DLG2: variants seen among roughly 807,000 people sequenced by gnomAD.
The protein encoded by DLG2 is disks large homolog 2.
DLG2 carries 45 observed loss-of-function variants against 132.5 expected under a neutral mutation model. The observed-to-expected ratio is 0.34, with a 90% CI of 0.27 to 0.44. The LOEUF is 0.44. DLG2 is among the 20% of genes least tolerant of loss of function. The pLI is 1.00. For synonymous variants in DLG2, 424 were observed against 419.6 expected, an observed-to-expected ratio of 1.01 and a Z score of -0.13; for missense variants, 1,045 against 1,196.9, an observed-to-expected ratio of 0.87 and a Z score of 1.87.
chr11:85,328,776 G>A (rs1396023524), intron 3 of DLG2, among the ~76,000 whole-genome samples: 16 of 146,636 alleles, frequency 1.1e-4, no homozygotes, highest in South Asian at 2.2e-4. Context: ...TCTGGCCAGG[G>A]CAATCAGGCA....
chr11:84,524,842 G>A (rs79901801), intron 7 of DLG2, among the ~76,000 whole-genome samples: 2,701 of 150,514 alleles, frequency 0.018, 73 homozygotes, highest in African/African-American at 0.061. Flanking sequence ...GTAACTCATA[G>A]GGTATTTCTT....
At chr11:84,510,240 T>C (rs1041291443) in intron 7 of DLG2, among the ~76,000 whole-genome samples, 38 of 151,870 alleles carry the variant, frequency 2.5e-4, no homozygotes, top group African/African-American at 9.2e-4. Context: ...AAATATAACA[T>C]TTGATGAGTA....
chr11:85,351,043 A>T (rs1346578516), intron 3 of DLG2, among the ~76,000 whole-genome samples: 1 of 152,196 alleles, frequency 6.6e-6, no homozygotes, highest in African/African-American at 2.4e-5. Context: ...ATCCATGAGG[A>T]TGGAATTTTC....
At chr11:85,476,457 C>T (rs906242239) in intron 3 of DLG2, among the ~76,000 whole-genome samples, 3 of 152,030 alleles carry the variant, frequency 2.0e-5, no homozygotes, top group African/African-American at 7.2e-5. Flanking sequence ...TTAAACTTAG[C>T]TTACTGTAAC....
At chr11:83,675,769 C>T (rs539450229) in intron 18 of DLG2, among the ~76,000 whole-genome samples, 6 of 152,254 alleles carry the variant, frequency 3.9e-5, no homozygotes, top group Admixed American at 6.5e-5. Flanking sequence ...AGATAGGCAA[C>T]GAGTTGAACA....
At chr11:83,906,742 G>C (rs555084869) in intron 15 of DLG2, among the ~76,000 whole-genome samples, 1 of 152,188 alleles carries the variant, frequency 6.6e-6, no homozygotes, top group African/African-American at 2.4e-5. Context: ...TTGGGTCAAT[G>C]AGCAAAGGTA....
chr11:85,020,095 G>T (rs1369840038), intron 6 of DLG2, among the ~76,000 whole-genome samples: 2 of 152,174 alleles, frequency 1.3e-5, no homozygotes, highest in African/African-American at 4.8e-5. Flanking sequence ...CAGTGTAAAA[G>T]TGTTCCTATT....
At chr11:84,076,014 A>G (rs2096825920) in intron 10 of DLG2, among the ~76,000 whole-genome samples, 1 of 152,232 alleles carries the variant, frequency 6.6e-6, no homozygotes, top group Non-Finnish European at 1.5e-5. Flanking sequence ...ATTAAGGGCA[A>G]CAAGAAGGGC....
chr11:83,841,394 A>C (rs1226775621), intron 16 of DLG2, among the ~76,000 whole-genome samples: 2 of 152,206 alleles, frequency 1.3e-5, no homozygotes, highest in Non-Finnish European at 1.5e-5. Flanking sequence ...ACAAAATTCT[A>C]TCTCTCATTT....
At chr11:83,667,994 A>AAAAAAAAAAAAAT in intron 18 of DLG2, among the ~76,000 whole-genome samples, 1 of 147,612 alleles carries the variant, frequency 6.8e-6, no homozygotes, top group Non-Finnish European at 1.5e-5. Flanking sequence ...AAAAAAAAAA[A>AAAAAAAAAAAAAT]AAAGAAATTA....
intron 3 of DLG2, among the ~76,000 whole-genome samples, chr11:85,533,335 TTTA>T (rs1451988898): frequency 1.3e-5 from 2 of 151,904 alleles, no homozygotes; most frequent in African/African-American, 2.4e-5. Context: ...CCTAAGGTGT[TTTA>T]TTGTGATTTT....
At chr11:85,252,990 C>T (rs1467060135) in intron 4 of DLG2, among the ~76,000 whole-genome samples, 1 of 152,122 alleles carries the variant, frequency 6.6e-6, no homozygotes, top group African/African-American at 2.4e-5. Context: ...AAATTCTAAA[C>T]CTATTGTTAA....
At chr11:83,966,890 C>T (rs2090324817) in intron 12 of DLG2, among the ~76,000 whole-genome samples, 1 of 151,948 alleles carries the variant, frequency 6.6e-6, no homozygotes, top group South Asian at 2.1e-4. Flanking sequence ...TCTGTATCTC[C>T]CCATTTTCCA....
chr11:84,736,222 A>G (rs953947369), intron 6 of DLG2, among the ~76,000 whole-genome samples: 4 of 151,796 alleles, frequency 2.6e-5, no homozygotes, highest in Non-Finnish European at 5.9e-5. Context: ...TCTCCATTCT[A>G]TTAATCTGTT....
chr11:84,844,571 C>A (rs1462812706), intron 6 of DLG2, among the ~76,000 whole-genome samples: 1 of 151,896 alleles, frequency 6.6e-6, no homozygotes, highest in African/African-American at 2.4e-5. Context: ...CTGTCTGCTA[C>A]CTCACACTTT....
At chr11:85,594,894 C>T (rs967799451) in intron 3 of DLG2, among the ~76,000 whole-genome samples, 1 of 151,242 alleles carries the variant, frequency 6.6e-6, no homozygotes, top group Non-Finnish European at 1.5e-5. Flanking sequence ...GGTTAAAGCC[C>T]GTCTCTACCA....
rs560971993 is a variant in DLG2 at position 85,397,374 on chromosome 11, CG to C, written c.41-112010del. Among the ~76,000 whole-genome samples, 688 of 152,176 alleles carry C rather than the reference CG, an allele frequency of 4.5e-3. 2 individuals carry two copies. Among genetic ancestry groups the C allele is most frequent in the African/African-American group, 0.015 (624 of 41,526 alleles). Reference sequence around the variant, plus strand: ...GATATGAAGAAACTGCATCAATTAACGGGCAAAATAACCACCTAACATCATA... The same window carrying C: ...GATATGAAGAAACTGCATCAATTAACGGCAAAATAACCACCTAACATCATA... On this transcript the variant is annotated intron_variant, in intron 3 of 27. Coordinates refer to ENST00000376104, the MANE Select transcript of DLG2 (RefSeq NM_001142699.3).
intron 7 of DLG2, among the ~76,000 whole-genome samples, chr11:84,293,173 T>G (rs1455589054): frequency 6.6e-6 from 1 of 151,890 alleles, no homozygotes; most frequent in Non-Finnish European, 1.5e-5. Context: ...GGGTGGTGTG[T>G]GTTGGAAGTA....
rs550970018 is a variant in DLG2, at chr11:85,062,931, C to T, written c.357+48730G>A. On this transcript the variant is annotated intron_variant, in intron 6 of 27. Transcript: ENST00000376104. ...TTTTACAATTGTTAAAATGCCTCTG[C>T]CAGCAGAGGTGGGGATGACTGGTAT... Among the ~76,000 whole-genome samples, 4 of 151,764 alleles carry T rather than the reference C, an allele frequency of 2.6e-5. No individual in the cohort carries two copies. The South Asian group carries it at 8.3e-4, about 32-fold the overall frequency.
Sources: gnomAD v4.1 joint callset for allele counts (sites outside exome capture counted in the v4.1 genomes callset) on GRCh38, gnomAD v4.1.1 for gene constraint, MANE v1.5 for transcripts, NCBI Gene and HGNC (gene_info 2026-07-23, HGNC 2026-07-21) for gene names.